TMEM117: variants seen among roughly 807,000 people sequenced by gnomAD.
TMEM117 encodes the protein transmembrane protein 117.
In TMEM117, 27 loss-of-function variants were observed where a neutral mutation model predicts 52.4. The ratio of observed to expected loss-of-function variants is 0.51; its 90% CI spans 0.38 to 0.71. The LOEUF is 0.71. Ranked by LOEUF, TMEM117 falls within the 30% of genes least tolerant of loss-of-function variation. The probability of loss-of-function intolerance (pLI) is 0.00; values close to 1 mark genes in which losing one functional copy is unlikely to be tolerated. For missense variants in TMEM117, 556 were observed against 630.5 expected, an observed-to-expected ratio of 0.88 and a Z score of 1.26; for synonymous variants, 215 against 206.3, an observed-to-expected ratio of 1.04 and a Z score of -0.36.
intron 4 of TMEM117, among the ~76,000 whole-genome samples, chr12:44,198,625 T>A (rs1376628906): frequency 6.6e-6 from 1 of 152,158 alleles, no homozygotes; most frequent in Non-Finnish European, 1.5e-5. Context: ...AAGATTTATT[T>A]CATAAGTAGT....
chr12:44,144,284 A>G (rs1948611365), intron 4 of TMEM117, among the ~76,000 whole-genome samples: 1 of 152,334 alleles, frequency 6.6e-6, no homozygotes, highest in African/African-American at 2.4e-5. Flanking sequence ...AAATTTAAAG[A>G]TAGCATGTTG....
intron 3 of TMEM117, among the ~76,000 whole-genome samples, chr12:43,972,279 T>C (rs186631339): frequency 2.0e-4 from 31 of 152,300 alleles, no homozygotes; most frequent in African/African-American, 7.5e-4. Context: ...GAATCTCATC[T>C]CTTAGTGTGG....
At chr12:44,148,864 T>C (rs1207326661) in intron 4 of TMEM117, among the ~76,000 whole-genome samples, 1 of 152,114 alleles carries the variant, frequency 6.6e-6, no homozygotes, top group Non-Finnish European at 1.5e-5. Flanking sequence ...TCTGGTTCAG[T>C]TTTGTGACTT....
chr12:44,101,733 G>A (rs1020799875), intron 3 of TMEM117, among the ~76,000 whole-genome samples: 4 of 151,982 alleles, frequency 2.6e-5, no homozygotes, highest in Non-Finnish European at 5.9e-5. Flanking sequence ...TCTGTCTTAT[G>A]TCCTTCCACT....
chr12:44,055,602 G>A (rs1316560460), intron 3 of TMEM117, among the ~76,000 whole-genome samples: 7 of 152,168 alleles, frequency 4.6e-5, no homozygotes, highest in African/African-American at 9.6e-5. Flanking sequence ...TAGGTGTGCC[G>A]CTCTTTTTGT....
At chr12:44,168,164 G>A (rs1283023536) in intron 4 of TMEM117, among the ~76,000 whole-genome samples, 1 of 151,798 alleles carries the variant, frequency 6.6e-6, no homozygotes, top group Non-Finnish European at 1.5e-5. Flanking sequence ...TGAGGCAGAA[G>A]AATCCTTGAA....
intron 3 of TMEM117, among the ~76,000 whole-genome samples, chr12:44,060,043 G>A (rs996706346): frequency 3.3e-5 from 5 of 152,138 alleles, no homozygotes; most frequent in African/African-American, 7.2e-5. Context: ...AAGTATCATC[G>A]AATGATTTCC....
chr12:43,929,957 T>A (rs532016919), intron 2 of TMEM117, among the ~76,000 whole-genome samples: 9 of 152,262 alleles, frequency 5.9e-5, no homozygotes, highest in African/African-American at 1.7e-4. Flanking sequence ...GTGCCTAATT[T>A]AAAAAATTGA....
chr12:44,218,628 T>A (rs1949749933), intron 5 of TMEM117, among the ~76,000 whole-genome samples: 1 of 152,138 alleles, frequency 6.6e-6, no homozygotes, highest in Non-Finnish European at 1.5e-5. Context: ...CTTAGAGCAA[T>A]TAGGCAAGAA....
intron 4 of TMEM117, among the ~76,000 whole-genome samples, chr12:44,163,027 A>C (rs1948918603): frequency 6.6e-6 from 1 of 152,156 alleles, no homozygotes; most frequent in African/African-American, 2.4e-5. Context: ...CTTCTGCCTC[A>C]CTTAAGTGTC....
chr12:44,029,250 C>A (rs1946593113), intron 3 of TMEM117, among the ~76,000 whole-genome samples: 1 of 152,160 alleles, frequency 6.6e-6, no homozygotes, highest in South Asian at 2.1e-4. Context: ...TAAAGTCCCT[C>A]TTGGTAGAGT....
chr12:43,933,664 G>A (rs1162038137), intron 2 of TMEM117, among the ~76,000 whole-genome samples: 5 of 152,030 alleles, frequency 3.3e-5, no homozygotes, highest in African/African-American at 7.2e-5. Flanking sequence ...CCGGGTTCAA[G>A]CTATTCTTCT....
chr12:44,095,338 A>C (rs557516998), intron 3 of TMEM117, among the ~76,000 whole-genome samples: 21 of 152,042 alleles, frequency 1.4e-4, no homozygotes, highest in Non-Finnish European at 2.9e-4. Flanking sequence ...TTTTGGCAAA[A>C]ACTTTGAGAA....
At chr12:43,845,058 T>C (rs1240317919) in intron 2 of TMEM117, 130 bp downstream of exon 2, 4 of 1,034,934 alleles carry the variant, frequency 3.9e-6, no homozygotes, top group South Asian at 1.7e-5. Flanking sequence ...TAAGTTGTTA[T>C]GCATGGTTGT....
At chr12:44,105,292 A>G (rs930017251) in intron 3 of TMEM117, among the ~76,000 whole-genome samples, 5 of 151,874 alleles carry the variant, frequency 3.3e-5, no homozygotes, top group Non-Finnish European at 7.4e-5. Flanking sequence ...CATTTCTGTT[A>G]CACTGGTTTT....
chr12:44,371,161 A>G (rs1951858809), intron 6 of TMEM117, among the ~76,000 whole-genome samples: 2 of 152,302 alleles, frequency 1.3e-5, no homozygotes, highest in African/African-American at 4.8e-5. Flanking sequence ...CTGTCATCTG[A>G]AATTCGGTTG....
At chr12:44,368,649 T>G (rs755201804) in intron 6 of TMEM117, among the ~76,000 whole-genome samples, 2 of 152,190 alleles carry the variant, frequency 1.3e-5, no homozygotes, top group Non-Finnish European at 2.9e-5. Context: ...GACAATTGAA[T>G]GTGACCATTC....
At chr12:43,813,411 T>C in the TMEM117 span, among the ~76,000 whole-genome samples, 3 of 151,574 alleles carry the variant, frequency 2.0e-5, no homozygotes, top group African/African-American at 7.3e-5. Context: ...GCCTGACTAA[T>C]TTTTGTATTT....
intron 1 of TMEM117, among the ~76,000 whole-genome samples, chr12:43,837,056 G>GTA (rs1335153264): frequency 6.7e-6 from 1 of 149,108 alleles, no homozygotes; most frequent in Non-Finnish European, 1.5e-5. Context: ...ATTTTTTTTT[G>GTA]TAAAGTATTG....
Sources: allele counts gnomAD v4.1 joint callset (sites outside exome capture counted in the v4.1 genomes callset), GRCh38; gene constraint gnomAD v4.1.1; transcripts MANE v1.5; gene names NCBI Gene and HGNC (gene_info 2026-07-23, HGNC 2026-07-21).